ITGA8: variants seen among roughly 807,000 people sequenced by gnomAD.
ITGA8 encodes integrin alpha-8.
Under a neutral mutation model 142.3 loss-of-function variants are expected in ITGA8, and 91 were observed. That is an observed-to-expected ratio of 0.64 (90% CI 0.54 to 0.76). ITGA8 has a LOEUF of 0.76. Among genes scored for constraint, ITGA8 ranks in the 30% least tolerant of loss-of-function variants. ITGA8 has a pLI of 0.00. For missense variants in ITGA8, 1,406 were observed against 1,327.7 expected, an observed-to-expected ratio of 1.06 and a Z score of -0.92; for synonymous variants, 505 against 485.2, an observed-to-expected ratio of 1.04 and a Z score of -0.54.
At chr10:15,532,342 C>T (rs1288791879) in intron 27 of ITGA8, among the ~76,000 whole-genome samples, 2 of 143,848 alleles carry the variant, frequency 1.4e-5, no homozygotes, top group African/African-American at 5.2e-5. Context: ...TTGCTTGAAC[C>T]TGGGAGGCGG....
intron 2 of ITGA8, 65 bp downstream of exon 2, chr10:15,718,701 C>A: frequency 6.3e-7 from 1 of 1,593,176 alleles, no homozygotes; most frequent in Non-Finnish European, 8.6e-7. Flanking sequence ...CGGGAAGTCG[C>A]CTCTGGGATG....
Position 15,606,364 on chromosome 10 carries a change from A to G in ITGA8, c.1823T>C (p.Leu608Ser). 2.5e-6 allele frequency: 4 copies of G among 1,612,120 alleles called. No homozygotes were observed. The South Asian group carries it at 4.4e-5, about 18-fold the overall frequency. The change falls in exon 18 of 30, where the codon TTG (leucine) becomes TCG (serine). Residue 608 changes from leucine to serine, a missense_variant. Transcript: ENST00000378076. Reference protein sequence around the residue: ...SPINISLNYSLDESTFKEGLE... With the variant: ...SPINISLNYSSDESTFKEGLE... Reference sequence around the variant, plus strand: ...GCCTTCTTTAAAGGTGGATTCGTCCAAACTGTAATTCAAACTAATGTTGAT... The same window carrying G: ...GCCTTCTTTAAAGGTGGATTCGTCCGAACTGTAATTCAAACTAATGTTGAT...
At position 15,538,953 on chromosome 10, in the gene ITGA8, GTTTTTT is replaced by G. The variant is rs367805176; in HGVS notation, c.2881-7808_2881-7803del. Among the ~76,000 whole-genome samples, 228 of 132,182 alleles carry G rather than the reference GTTTTTT, an allele frequency of 1.7e-3. 3 individuals carry two copies. The highest frequency in any genetic ancestry group is 3.8e-3 in the Middle Eastern group (1 of 262). The allele number at this position is 132,182 out of a possible 152,430, so 86.7% of individuals were successfully genotyped here. On this transcript the variant is annotated intron_variant, in intron 27 of 29. Transcript: ENST00000378076. ...AACCACCTGACATTTTCAGGTAAAG[GTTTTTT>G]TTTTTTTTTTTTTTTTTTTTAACGT...
chr10:15,626,787 G>A (rs1019507014), intron 13 of ITGA8, among the ~76,000 whole-genome samples: 1 of 152,142 alleles, frequency 6.6e-6, no homozygotes, highest in African/African-American at 2.4e-5. Flanking sequence ...GAAGATGTAG[G>A]GAGAAGATGA....
chr10:15,579,540 A>G (rs1834363947), intron 23 of ITGA8, among the ~76,000 whole-genome samples: 1 of 152,124 alleles, frequency 6.6e-6, no homozygotes, highest in African/African-American at 2.4e-5. Context: ...GGCTAGAAAA[A>G]CTAAGATACA....
chr10:15,581,618 A>G (rs1170382208), intron 23 of ITGA8, among the ~76,000 whole-genome samples: 1 of 152,144 alleles, frequency 6.6e-6, no homozygotes, highest in African/African-American at 2.4e-5. Context: ...AATTGGATAA[A>G]CTTTTACATA....
intron 10 of ITGA8, among the ~76,000 whole-genome samples, chr10:15,657,694 C>A (rs897470029): frequency 6.6e-6 from 1 of 151,926 alleles, no homozygotes; most frequent in Non-Finnish European, 1.5e-5. Context: ...CAGTTGTGAA[C>A]TGAATTTGTT....
chr10:15,559,852 G>A (rs1833945196), intron 25 of ITGA8, among the ~76,000 whole-genome samples: 1 of 151,694 alleles, frequency 6.6e-6, no homozygotes, highest in Non-Finnish European at 1.5e-5. Context: ...GGGAGAACAT[G>A]AGGAAAAATA....
chr10:15,711,700 C>T (rs766341903), intron 2 of ITGA8, among the ~76,000 whole-genome samples: 1 of 152,058 alleles, frequency 6.6e-6, no homozygotes, highest in Non-Finnish European at 1.5e-5. Context: ...CAACTCATCT[C>T]TTCCACTCCC....
At chr10:15,568,292 T>C (rs935107345) in intron 25 of ITGA8, among the ~76,000 whole-genome samples, 1 of 152,174 alleles carries the variant, frequency 6.6e-6, no homozygotes, top group African/African-American at 2.4e-5. Context: ...CCCTGCCCCA[T>C]CCCAATTTAG....
chr10:15,680,952 T>G (rs1834726296), intron 4 of ITGA8, among the ~76,000 whole-genome samples: 1 of 152,016 alleles, frequency 6.6e-6, no homozygotes, highest in Non-Finnish European at 1.5e-5. Flanking sequence ...AGAGCATTTG[T>G]GAACTTGATA....
rs9333144 is a variant in ITGA8 at position 15,617,064 on chromosome 10, CAGT to C, written c.1400-508_1400-506del. Among the ~76,000 whole-genome samples the C allele has an allele frequency of 4.2e-3, 633 of 152,294 alleles. 9 individuals carry two copies. The highest frequency in any genetic ancestry group is 0.015 in the African/African-American group (605 of 41,556). ...GTGAGTATACTTTTGGCAAAGCAAT[CAGT>C]AGTATATAAAATAACTAACATATTA... On this transcript the variant is annotated intron_variant, in intron 13 of 29. Transcript: ENST00000378076.
chr10:15,568,941 G>C (rs1297191704), intron 25 of ITGA8, among the ~76,000 whole-genome samples: 3 of 152,212 alleles, frequency 2.0e-5, no homozygotes, highest in Admixed American at 2.0e-4. Context: ...TTGGGAAGTT[G>C]TGAAGGCTTT....
At chr10:15,605,684 C>T (rs1564371103) in intron 19 of ITGA8, 40 bp downstream of exon 19, 3 of 1,489,776 alleles carry the variant, frequency 2.0e-6, no homozygotes, top group Non-Finnish European at 2.8e-6. Context: ...ACCTGTAATT[C>T]CATTAGATAG....
chr10:15,546,997 CATAGAAAACATAAAA>C (rs551794540), intron 27 of ITGA8, among the ~76,000 whole-genome samples: 2 of 151,918 alleles, frequency 1.3e-5, no homozygotes, highest in South Asian at 4.2e-4. Context: ...CATATTAAAT[CATAGAAAACATAAAA>C]ATCTAGGGAT....
intron 2 of ITGA8, among the ~76,000 whole-genome samples, chr10:15,691,888 T>A (rs1241694097): frequency 6.6e-6 from 1 of 152,216 alleles, no homozygotes; most frequent in Non-Finnish European, 1.5e-5. Flanking sequence ...CTTGATTTAA[T>A]TATTTCCCAA....
At chr10:15,529,467 C>T (rs1000264888) in intron 28 of ITGA8, among the ~76,000 whole-genome samples, 4 of 152,220 alleles carry the variant, frequency 2.6e-5, no homozygotes, top group African/African-American at 9.6e-5. Context: ...CCAGGTGACT[C>T]TATCTTGAAA....
intron 25 of ITGA8, among the ~76,000 whole-genome samples, chr10:15,569,196 A>C (rs1259537864): frequency 6.6e-6 from 1 of 152,188 alleles, no homozygotes; most frequent in Non-Finnish European, 1.5e-5. Context: ...TGGAATGATT[A>C]AAGAGGAAAA....
intron 13 of ITGA8, among the ~76,000 whole-genome samples, chr10:15,623,339 T>C (rs755711207): frequency 6.6e-6 from 1 of 152,036 alleles, no homozygotes; most frequent in Non-Finnish European, 1.5e-5. Context: ...TACACTGCCT[T>C]CTAGGTGCAC....
Sources: allele counts gnomAD v4.1 joint callset (sites outside exome capture counted in the v4.1 genomes callset), GRCh38; gene constraint gnomAD v4.1.1; transcripts MANE v1.5; gene names NCBI Gene and HGNC (gene_info 2026-07-23, HGNC 2026-07-21).